Variants in IL1RAPL1 observed in about 807,000 individuals in gnomAD.
The protein encoded by IL1RAPL1 is interleukin-1 receptor accessory protein-like 1.
Under a neutral mutation model 48.4 loss-of-function variants are expected in IL1RAPL1, and 3 were observed. The ratio of observed to expected loss-of-function variants is 0.06; its 90% CI spans 0.03 to 0.16. The LOEUF is 0.16. Ranked by LOEUF, IL1RAPL1 falls within the 10% of genes least tolerant of loss-of-function variation. IL1RAPL1 has a pLI of 1.00. For missense variants in IL1RAPL1, 349 were observed against 530.6 expected (o/e 0.66, Z 3.36); for synonymous variants, 185 against 187.7 (o/e 0.99, Z 0.12).
In IL1RAPL1 at chrX:29,954,525, A is replaced by G. The variant is rs1427250835; in HGVS notation, c.1205A>G (p.Asn402Ser). Residue 402 changes from asparagine (N) to serine (S), a missense_variant, in exon 10 of 11, where the codon AAT (asparagine) becomes AGT (serine). This residue lies in a region of IL1RAPL1 where 238 missense variants were observed against 337.8 expected (regional missense o/e 0.70). Transcript: ENST00000378993. ...HFGAEELDGDNKDYDAYLSYT... is the reference protein window; with the variant it reads ...HFGAEELDGDSKDYDAYLSYT... Reference sequence around the variant, plus strand: ...TTTCTTTGGAATTTTTTGACAGACAATAAAGATTATGATGCATACTTATCA... The same window carrying G: ...TTTCTTTGGAATTTTTTGACAGACAGTAAAGATTATGATGCATACTTATCA... 11 of 1,206,043 alleles carry G rather than the reference A, an allele frequency of 9.1e-6. No homozygotes were observed. Among genetic ancestry groups the G allele is most frequent in the Admixed American group, 8.7e-5 (4 of 45,733 alleles).
Position 28,772,482 on chromosome X carries a change from C to T in IL1RAPL1, c.-24-16838C>T, listed in dbSNP as rs140646034. ...AGCCCATAGTTTGCATTGAAGTTAA[C>T]ATGGAGGGAGTGGCAGACTAGCTTT... On this transcript the variant is annotated intron_variant, in intron 1 of 10. Coordinates refer to ENST00000378993, the MANE Select transcript of IL1RAPL1 (RefSeq NM_014271.4). Among the ~76,000 whole-genome samples the T allele has an allele frequency of 4.8e-3, 536 of 111,457 alleles. 1 individual carries two copies. The highest frequency in any genetic ancestry group is 7.8e-3 in the Non-Finnish European group (414 of 53,127).
intron 6 of IL1RAPL1, among the ~76,000 whole-genome samples, chrX:29,802,747 TTATATATATATATATATATATA>T (rs1210417673): frequency 1.4e-3 from 49 of 36,256 alleles, no homozygotes; most frequent in African/African-American, 4.1e-3. Context: ...GAGGAAAAAA[TTATATATATATATATATATATA>T]TATATATATA....
chrX:28,745,945 A>G (rs1935971454), intron 1 of IL1RAPL1, among the ~76,000 whole-genome samples: 1 of 112,157 alleles, frequency 8.9e-6, no homozygotes, highest in Admixed American at 9.5e-5. Context: ...TACTAGGACA[A>G]ACTTTTTTTT....
At chrX:28,696,600 A>T (rs1358366041) in intron 1 of IL1RAPL1, among the ~76,000 whole-genome samples, 1 of 111,796 alleles carries the variant, frequency 8.9e-6, no homozygotes, top group Non-Finnish European at 1.9e-5. Context: ...TGATTTGATC[A>T]TTACACATTG....
intron 6 of IL1RAPL1, among the ~76,000 whole-genome samples, chrX:29,798,077 C>T (rs774438090): frequency 9.0e-6 from 1 of 111,603 alleles, no homozygotes; most frequent in Non-Finnish European, 1.9e-5. Flanking sequence ...TGAACAAGCT[C>T]TTGCTAAAAT....
At chrX:29,106,887 G>A (rs1928459044) in intron 2 of IL1RAPL1, among the ~76,000 whole-genome samples, 1 of 110,822 alleles carries the variant, frequency 9.0e-6, no homozygotes, top group African/African-American at 3.3e-5. Context: ...TTTGAAACAC[G>A]TATTTGCCAC....
chrX:29,784,108 A>G (rs1929432662), intron 6 of IL1RAPL1, among the ~76,000 whole-genome samples: 2 of 112,222 alleles, frequency 1.8e-5, no homozygotes, highest in Non-Finnish European at 3.8e-5. Context: ...TGCTGTATTT[A>G]CATCAGACCA....
intron 2 of IL1RAPL1, among the ~76,000 whole-genome samples, chrX:28,818,202 T>G (rs1208466990): frequency 9.0e-6 from 1 of 111,100 alleles, no homozygotes; most frequent in South Asian, 3.7e-4. Flanking sequence ...GCTTTAGATT[T>G]ACAAAAATTT....
At chrX:29,624,062 T>C (rs1341246077) in intron 5 of IL1RAPL1, among the ~76,000 whole-genome samples, 1 of 112,279 alleles carries the variant, frequency 8.9e-6, no homozygotes, top group African/African-American at 3.2e-5. Context: ...TATCCTATCG[T>C]TTCTCAACTA....
intron 5 of IL1RAPL1, among the ~76,000 whole-genome samples, chrX:29,479,684 C>A (rs758067562): frequency 9.1e-6 from 1 of 109,484 alleles, no homozygotes; most frequent in Non-Finnish European, 1.9e-5. Context: ...ACGTTCCCCC[C>A]CAGTCCCCAG....
At chrX:28,927,388 C>G (rs961147037) in intron 2 of IL1RAPL1, among the ~76,000 whole-genome samples, 10 of 111,896 alleles carry the variant, frequency 8.9e-5, no homozygotes, top group Non-Finnish European at 3.8e-5. Context: ...ATATGTTCTG[C>G]TGTTTTCTAA....
intron 5 of IL1RAPL1, among the ~76,000 whole-genome samples, chrX:29,657,939 C>T (rs1315446844): frequency 9.3e-6 from 1 of 107,582 alleles, no homozygotes; most frequent in African/African-American, 3.4e-5. Context: ...TCCTATGCTT[C>T]ATCATCATTT....
chrX:29,794,019 A>G (rs1929690940), intron 6 of IL1RAPL1, among the ~76,000 whole-genome samples: 1 of 112,214 alleles, frequency 8.9e-6, no homozygotes, highest in Non-Finnish European at 1.9e-5. Flanking sequence ...GAAGAAAAGA[A>G]GTAATGGGGA....
intron 6 of IL1RAPL1, among the ~76,000 whole-genome samples, chrX:29,738,417 T>C (rs1928102840): frequency 9.1e-6 from 1 of 109,992 alleles, no homozygotes; most frequent in African/African-American, 3.3e-5. Context: ...CTTGTCATTT[T>C]ATTTCATTTC....
intron 6 of IL1RAPL1, among the ~76,000 whole-genome samples, chrX:29,794,275 T>TA (rs200029402): frequency 2.5e-4 from 28 of 110,200 alleles, no homozygotes; most frequent in African/African-American, 5.9e-4. Context: ...ACAACTTCGT[T>TA]AAAAAAAAAG....
At chrX:29,306,073 A>C (rs2147614752) in intron 3 of IL1RAPL1, among the ~76,000 whole-genome samples, 1 of 111,625 alleles carries the variant, frequency 9.0e-6, no homozygotes, top group Admixed American at 9.5e-5. Context: ...CAGAGGCAAT[A>C]GAATCCATAT....
intron 6 of IL1RAPL1, among the ~76,000 whole-genome samples, chrX:29,688,885 C>T (rs1028025202): frequency 2.7e-5 from 3 of 109,358 alleles, no homozygotes; most frequent in African/African-American, 1.0e-4. Flanking sequence ...AAGACATTAC[C>T]AAAAACTATC....
At chrX:29,565,323 TA>T (rs58259760) in intron 5 of IL1RAPL1, among the ~76,000 whole-genome samples, 9,184 of 98,352 alleles carry the variant, frequency 0.093, 830 homozygotes, top group African/African-American at 0.28. Context: ...TAGCAGTTAC[TA>T]AAAAAAAAAA....
rs142058194 is a variant in IL1RAPL1 at position 29,732,174 on chromosome X, C to T, written c.778+63670C>T. Among the ~76,000 whole-genome samples the T allele has an allele frequency of 5.7e-3, 635 of 111,647 alleles. 5 individuals are homozygous for T. The highest frequency in any genetic ancestry group is 0.02 in the African/African-American group (608 of 30,753). On this transcript the variant is annotated intron_variant, in intron 6 of 10. Coordinates refer to ENST00000378993, the MANE Select transcript of IL1RAPL1 (RefSeq NM_014271.4). ...GCCTAAATAGGCTTAAATAACAAAT[C>T]CCACTAATGGAGTGATGGTATATAA...
Sources: gnomAD v4.1 joint callset for allele counts (sites outside exome capture counted in the v4.1 genomes callset) on GRCh38, gnomAD v4.1.1 for gene constraint, gnomAD v4.1.1 regional missense constraint, MANE v1.5 for transcripts, NCBI Gene and HGNC (gene_info 2026-07-23, HGNC 2026-07-21) for gene names.